PLEKHH2: variants seen among roughly 807,000 people sequenced by gnomAD.
PLEKHH2 encodes the protein pleckstrin homology, MyTH4 and FERM domain containing H2.
PLEKHH2 carries 129 observed loss-of-function variants against 187.9 expected under a neutral mutation model. The observed-to-expected ratio is 0.69, with a 90% CI of 0.59 to 0.79. The LOEUF (loss-of-function observed/expected upper bound fraction) is 0.79. Among genes scored for constraint, PLEKHH2 ranks in the 30% least tolerant of loss-of-function variants. The pLI, the probability that PLEKHH2 is intolerant of heterozygous loss-of-function variation, is 0.00. For missense variants in PLEKHH2, 2,076 were observed against 1,751.2 expected, an observed-to-expected ratio of 1.19 and a Z score of -3.31; for synonymous variants, 686 against 605.6, an observed-to-expected ratio of 1.13 and a Z score of -1.95.
chr2:43,733,112 C>T (rs1199576184), intron 19 of PLEKHH2, among the ~76,000 whole-genome samples: 1 of 152,198 alleles, frequency 6.6e-6, no homozygotes, highest in Non-Finnish European at 1.5e-5. Flanking sequence ...CCTGTAATCC[C>T]AGCACTTTGG....
intron 18 of PLEKHH2, 37 bp downstream of exon 18, chr2:43,729,782 A>G (rs749916687): frequency 9.2e-6 from 13 of 1,416,372 alleles, no homozygotes; most frequent in Admixed American, 2.3e-5. Context: ...CTTTATGGTT[A>G]ATGAAATGGA....
intron 15 of PLEKHH2, among the ~76,000 whole-genome samples, chr2:43,720,282 T>TA (rs1428900645): frequency 8.7e-4 from 22 of 25,314 alleles, no homozygotes; most frequent in Non-Finnish European, 9.9e-4. Context: ...AGGTAAATCT[T>TA]TTTTTTTTTT....
intron 2 of PLEKHH2, among the ~76,000 whole-genome samples, chr2:43,672,694 G>A (rs899256020): frequency 6.6e-6 from 1 of 152,174 alleles, no homozygotes; most frequent in Non-Finnish European, 1.5e-5. Context: ...TAAGGGAGCA[G>A]AATTATCTTT....
chr2:43,764,450 G>A, intron 29 of PLEKHH2, 85 bp downstream of exon 29: 1 of 1,387,548 alleles, frequency 7.2e-7, no homozygotes, highest in Non-Finnish European at 9.9e-7. Flanking sequence ...AATGCTAATT[G>A]TTTTCATATT....
chr2:43,765,010 C>G (rs1421609976), intron 29 of PLEKHH2, among the ~76,000 whole-genome samples: 3 of 152,184 alleles, frequency 2.0e-5, no homozygotes, highest in Non-Finnish European at 2.9e-5. Flanking sequence ...TAAGCCTATA[C>G]TTAAGTGAAA....
chr2:43,695,790 C>CT (rs1227113323), intron 6 of PLEKHH2, among the ~76,000 whole-genome samples: 1 of 152,142 alleles, frequency 6.6e-6, no homozygotes, highest in East Asian at 1.9e-4. Flanking sequence ...GAATTTTGGC[C>CT]TTAGAGAATA....
At chr2:43,744,231 A>T (rs1671685223) in intron 23 of PLEKHH2, 3 of 832,726 alleles carry the variant, frequency 3.6e-6, no homozygotes, top group Non-Finnish European at 4.8e-6. Flanking sequence ...AATGGAAATG[A>T]TACTCTAAGT....
At chr2:43,716,390 A>C (rs1358917094) in intron 15 of PLEKHH2, among the ~76,000 whole-genome samples, 1 of 152,210 alleles carries the variant, frequency 6.6e-6, no homozygotes, top group African/African-American at 2.4e-5. Flanking sequence ...TTTCTTAATG[A>C]ACATTATTCC....
In PLEKHH2 at chr2:43,697,258, T is replaced by C; in HGVS notation, c.590T>C (p.Leu197Ser). 1.2e-6 allele frequency: 2 copies of C among 1,613,994 alleles called. No homozygotes were observed. The highest frequency in any genetic ancestry group is 4.5e-5 in the East Asian group (2 of 44,876). Residue 197 changes from leucine to serine, a missense_variant, in exon 7 of 30, where the codon TTA (leucine) becomes TCA (serine). By Grantham distance (145) the Leu-to-Ser change is moderately radical. Coordinates refer to ENST00000282406, the MANE Select transcript of PLEKHH2 (RefSeq NM_172069.4). ...AGCAGTTTGACCTTTGGGTGCTTTT[T>C]ATCTCGAGCAAGGAGTCCTCCTCAA... Reference protein sequence around the residue: ...RLSSLTFGCFLSRARSPPQVV... With the variant: ...RLSSLTFGCFSSRARSPPQVV...
At chr2:43,643,157 T>C (rs974755526) in intron 1 of PLEKHH2, among the ~76,000 whole-genome samples, 2 of 152,112 alleles carry the variant, frequency 1.3e-5, no homozygotes, top group African/African-American at 4.8e-5. Context: ...ATGTGAATCA[T>C]TAATCATAAA....
chr2:43,684,337 C>G (rs997747693), intron 3 of PLEKHH2, among the ~76,000 whole-genome samples: 1 of 151,676 alleles, frequency 6.6e-6, no homozygotes, highest in Non-Finnish European at 1.5e-5. Flanking sequence ...TCTATCTGTT[C>G]TTCCCTATCT....
At chr2:43,721,562 G>A (rs1022877739) in intron 16 of PLEKHH2, among the ~76,000 whole-genome samples, 1 of 152,268 alleles carries the variant, frequency 6.6e-6, no homozygotes, top group South Asian at 2.1e-4. Flanking sequence ...TGCTAATGGG[G>A]TAGAGATTAA....
chr2:43,638,935 T>G (rs1574457742), intron 1 of PLEKHH2, among the ~76,000 whole-genome samples: 1 of 152,218 alleles, frequency 6.6e-6, no homozygotes, highest in Non-Finnish European at 1.5e-5. Flanking sequence ...AATGTAGATG[T>G]TAAATGCCAA....
chr2:43,745,567 A>C (rs188530610), intron 23 of PLEKHH2, among the ~76,000 whole-genome samples: 5 of 152,264 alleles, frequency 3.3e-5, no homozygotes, highest in Admixed American at 2.0e-4. Context: ...CAAATCATGG[A>C]AAAATCCCTG....
At position 43,704,075 on chromosome 2, in the gene PLEKHH2, T is replaced by A. The variant is rs375592396; in HGVS notation, c.1726+19T>A. 2.5e-5 allele frequency: 39 copies of A among 1,531,726 alleles called. No homozygotes were observed. Among genetic ancestry groups the A allele is most frequent in the Non-Finnish European group, 3.1e-5 (34 of 1,107,938 alleles). The allele number at this position is 1,531,726 out of a possible 1,614,324, so 94.9% of individuals were successfully genotyped here. ...AATAAAAGTAAGTGCTTTTTCATGCTGCCACCTGGATGAACCTTGAGGACT... is the reference window on the plus strand; with the variant it reads ...AATAAAAGTAAGTGCTTTTTCATGCAGCCACCTGGATGAACCTTGAGGACT... On this transcript the variant is annotated intron_variant, in intron 9 of 29. Coordinates refer to ENST00000282406, the MANE Select transcript of PLEKHH2 (RefSeq NM_172069.4).
At chr2:43,641,899 T>C (rs1302451202) in intron 1 of PLEKHH2, among the ~76,000 whole-genome samples, 2 of 152,364 alleles carry the variant, frequency 1.3e-5, no homozygotes, top group East Asian at 1.9e-4. Flanking sequence ...AGCTTTGTAG[T>C]AAGTTTAGAA....
chr2:43,696,187 A>G (rs1216391783), intron 6 of PLEKHH2, among the ~76,000 whole-genome samples: 3 of 152,116 alleles, frequency 2.0e-5, no homozygotes, highest in Admixed American at 2.0e-4. Context: ...TGGCTGGGCC[A>G]CTGGGCCAGG....
chr2:43,708,007 G>C (rs1669747004), intron 11 of PLEKHH2, among the ~76,000 whole-genome samples: 1 of 152,168 alleles, frequency 6.6e-6, no homozygotes, highest in East Asian at 1.9e-4. Flanking sequence ...TGTGTAGGTA[G>C]TGGTTACAGA....
At position 43,767,296 on chromosome 2, in the gene PLEKHH2, C is replaced by G. The variant is rs1474591532; in HGVS notation, c.*1698C>G. 2 of 152,182 alleles carry G rather than the reference C, an allele frequency of 1.3e-5. No homozygotes were observed. The highest frequency in any genetic ancestry group is 2.9e-5 in the Non-Finnish European group (2 of 68,012). 9.4% of individuals were successfully genotyped at this position (152,182 alleles called of 1,614,324 possible). On this transcript the variant is annotated 3_prime_UTR_variant, in exon 30 of 30. Transcript: ENST00000282406. ...CTTCTCCCTGTGGCAATGTACTGTTCTCACATTAAGCCTTTTAAAAATGTT... is the reference window on the plus strand; with the variant it reads ...CTTCTCCCTGTGGCAATGTACTGTTGTCACATTAAGCCTTTTAAAAATGTT...
Sources: allele counts gnomAD v4.1 joint callset (sites outside exome capture counted in the v4.1 genomes callset), GRCh38; gene constraint gnomAD v4.1.1; transcripts MANE v1.5; gene names NCBI Gene and HGNC (gene_info 2026-07-23, HGNC 2026-07-21).